Variants in MDGA2 observed in about 807,000 individuals in gnomAD.
MDGA2 encodes MAM domain containing glycosylphosphatidylinositol anchor 2, also known as MAM domain-containing glycosylphosphatidylinositol anchor protein 2.
A neutral mutation model predicts 117.8 loss-of-function variants in MDGA2; 40 were observed. The observed-to-expected ratio is 0.34, with a 90% CI of 0.26 to 0.44. The LOEUF (loss-of-function observed/expected upper bound fraction) is 0.44, where lower values mean the gene tolerates loss of function less well. Ranked by LOEUF, MDGA2 falls within the 20% of genes least tolerant of loss-of-function variation. The pLI is 1.00. For synonymous variants in MDGA2, 452 were observed against 439.0 expected (o/e 1.03, Z -0.37); for missense variants, 1,123 against 1,250.6 (o/e 0.90, Z 1.54).
At chr14:47,002,557 G>T (rs1285535509) in intron 8 of MDGA2, among the ~76,000 whole-genome samples, 1 of 151,836 alleles carries the variant, frequency 6.6e-6, no homozygotes, top group East Asian at 1.9e-4. Flanking sequence ...GCAAAACCCT[G>T]TCTCTAATAA....
intron 8 of MDGA2, among the ~76,000 whole-genome samples, chr14:46,957,992 A>G (rs1012651176): frequency 7.9e-5 from 12 of 152,148 alleles, no homozygotes; most frequent in Non-Finnish European, 1.5e-5. Context: ...CCTTTGTCTA[A>G]AAGTGGTAAG....
intron 8 of MDGA2, among the ~76,000 whole-genome samples, chr14:47,013,772 G>GTATATATATATGTA (rs1887979907): frequency 1.1e-5 from 1 of 93,686 alleles, no homozygotes; most frequent in African/African-American, 3.6e-5. Context: ...TAATTTCCTT[G>GTATATATATATGTA]TATATATATA....
chr14:46,938,039 C>T (rs537068103), intron 9 of MDGA2, among the ~76,000 whole-genome samples: 1 of 152,152 alleles, frequency 6.6e-6, no homozygotes, highest in South Asian at 2.1e-4. Flanking sequence ...AAAATATTTG[C>T]AAACTATTCA....
intron 13 of MDGA2, 86 bp downstream of exon 13, chr14:46,873,959 A>T (rs751841100): frequency 9.1e-7 from 1 of 1,099,194 alleles, no homozygotes; most frequent in Admixed American, 2.8e-5. Flanking sequence ...ATCTTCAAAT[A>T]TATGGCTAAA....
chr14:46,929,558 G>GTA (rs1262749062), intron 9 of MDGA2, among the ~76,000 whole-genome samples: 1 of 120,260 alleles, frequency 8.3e-6, no homozygotes, highest in African/African-American at 3.2e-5. Context: ...TAGGGCAAAT[G>GTA]TATATATATC....
chr14:47,318,640 G>C (rs1391289281), intron 1 of MDGA2, among the ~76,000 whole-genome samples: 1 of 151,988 alleles, frequency 6.6e-6, no homozygotes, highest in African/African-American at 2.4e-5. Flanking sequence ...TGATTTTATT[G>C]GCATTTTATC....
intron 7 of MDGA2, among the ~76,000 whole-genome samples, chr14:47,050,116 C>G (rs986033656): frequency 1.3e-5 from 2 of 152,008 alleles, no homozygotes; most frequent in South Asian, 2.1e-4. Flanking sequence ...ATTACTTGAG[C>G]CCATTCCACT....
intron 3 of MDGA2, among the ~76,000 whole-genome samples, chr14:47,152,355 T>G (rs1566652971): frequency 6.6e-6 from 1 of 152,142 alleles, no homozygotes; most frequent in Non-Finnish European, 1.5e-5. Context: ...CAGGACATGG[T>G]GTACAAATAA....
intron 1 of MDGA2, among the ~76,000 whole-genome samples, chr14:47,379,816 G>A (rs1444304661): frequency 6.6e-6 from 1 of 152,106 alleles, no homozygotes; most frequent in Non-Finnish European, 1.5e-5. Flanking sequence ...AGATCAACAA[G>A]ACAGAAACTT....
At chr14:47,610,002 A>G (rs1193363762) in intron 1 of MDGA2, among the ~76,000 whole-genome samples, 1 of 152,012 alleles carries the variant, frequency 6.6e-6, no homozygotes, top group African/African-American at 2.4e-5. Flanking sequence ...ACCATGATCA[A>G]GTGGGTTTCA....
intron 1 of MDGA2, among the ~76,000 whole-genome samples, chr14:47,550,929 C>T (rs1895568543): frequency 6.6e-6 from 1 of 152,016 alleles, no homozygotes; most frequent in Non-Finnish European, 1.5e-5. Flanking sequence ...TGGCAGAGTC[C>T]AAGTCAAGTT....
intron 1 of MDGA2, among the ~76,000 whole-genome samples, chr14:47,303,681 T>G (rs1228354244): frequency 6.6e-6 from 1 of 152,102 alleles, no homozygotes; most frequent in Non-Finnish European, 1.5e-5. Flanking sequence ...AAAATAAATG[T>G]TCAATAGAAA....
intron 1 of MDGA2, among the ~76,000 whole-genome samples, chr14:47,641,118 T>C (rs1455442791): frequency 6.6e-6 from 1 of 152,108 alleles, no homozygotes; most frequent in African/African-American, 2.4e-5. Flanking sequence ...TACAGAAGTA[T>C]TCATATGTAC....
intron 8 of MDGA2, chr14:46,996,886 G>A (rs1395296674): frequency 3.1e-6 from 1 of 321,792 alleles, no homozygotes; most frequent in Non-Finnish European, 5.9e-6. Flanking sequence ...CAATGCATAT[G>A]ATACTGAGCA....
At position 47,669,973 on chromosome 14, in the gene MDGA2, C is replaced by A. The variant is rs542703403; in HGVS notation, c.280+4544G>T. Among the ~76,000 whole-genome samples, 3 of 152,212 alleles carry A rather than the reference C, an allele frequency of 2.0e-5. No individual in the cohort carries two copies. The South Asian group carries it at 6.2e-4, about 32-fold the overall frequency. Reference sequence around the variant, plus strand: ...CATGTCATTCTTATCCCTTCCTATCCATCCAGATTCAACCCACTAAAATAC... The same window carrying A: ...CATGTCATTCTTATCCCTTCCTATCAATCCAGATTCAACCCACTAAAATAC... On this transcript the variant is annotated intron_variant, in intron 1 of 16. Transcript: ENST00000399232.
chr14:47,255,746 A>T (rs1887596053), intron 2 of MDGA2, among the ~76,000 whole-genome samples: 1 of 151,946 alleles, frequency 6.6e-6, no homozygotes, highest in Non-Finnish European at 1.5e-5. Context: ...ATATTTTCAC[A>T]TTCCTTGGTC....
intron 8 of MDGA2, among the ~76,000 whole-genome samples, chr14:46,972,032 A>G (rs944759031): frequency 6.6e-5 from 10 of 152,118 alleles, no homozygotes; most frequent in African/African-American, 2.2e-4. Context: ...CATCTAGTCA[A>G]CTATCAAACC....
chr14:47,391,595 A>G (rs563541330), intron 1 of MDGA2, among the ~76,000 whole-genome samples: 5 of 152,196 alleles, frequency 3.3e-5, no homozygotes, highest in African/African-American at 4.8e-5. Context: ...AGGTATGCAT[A>G]TAAATATAAC....
chr14:46,889,914 T>C (rs1194945627), intron 10 of MDGA2, among the ~76,000 whole-genome samples: 1 of 152,090 alleles, frequency 6.6e-6, no homozygotes, highest in African/African-American at 2.4e-5. Flanking sequence ...TGGTGGGTTG[T>C]AGATGCCTTT....
Sources: allele counts gnomAD v4.1 joint callset (sites outside exome capture counted in the v4.1 genomes callset), GRCh38; gene constraint gnomAD v4.1.1; transcripts MANE v1.5; gene names NCBI Gene and HGNC (gene_info 2026-07-23, HGNC 2026-07-21).